CALN1: variants seen among roughly 807,000 people sequenced by gnomAD.
The protein encoded by CALN1 is calneuron 1, also known as calcium-binding protein 8.
CALN1 carries 17 observed loss-of-function variants against 30.6 expected under a neutral mutation model. The observed-to-expected ratio is 0.56, with a 90% CI of 0.38 to 0.83. The LOEUF (loss-of-function observed/expected upper bound fraction) is 0.83. Ranked by LOEUF, CALN1 falls within the 40% of genes least tolerant of loss-of-function variation. The pLI, the probability that CALN1 is intolerant of heterozygous loss-of-function variation, is 0.00. For synonymous variants in CALN1, 156 were observed against 131.4 expected (o/e 1.19, Z -1.28); for missense variants, 291 against 354.9 (o/e 0.82, Z 1.45).
At chr7:72,236,861 G>C (rs552230391) in intron 3 of CALN1, among the ~76,000 whole-genome samples, 2 of 152,320 alleles carry the variant, frequency 1.3e-5, no homozygotes, top group African/African-American at 4.8e-5. Flanking sequence ...CTTTGGCCAA[G>C]GGATAGATTT....
chr7:72,006,355 T>C (rs763782002), intron 5 of CALN1, among the ~76,000 whole-genome samples: 4 of 152,034 alleles, frequency 2.6e-5, no homozygotes, highest in African/African-American at 4.8e-5. Flanking sequence ...ATTTAGGAGA[T>C]AAAATATACA....
At chr7:72,068,044 C>A (rs1471817781) in intron 4 of CALN1, among the ~76,000 whole-genome samples, 2 of 152,198 alleles carry the variant, frequency 1.3e-5, no homozygotes, top group Admixed American at 1.3e-4. Context: ...TCAGCAATCT[C>A]ATTATCACCA....
intron 5 of CALN1, among the ~76,000 whole-genome samples, chr7:71,851,308 G>A (rs1250319688): frequency 9.9e-5 from 15 of 151,228 alleles, no homozygotes; most frequent in Admixed American, 9.9e-4. Flanking sequence ...TTGAGGTCAG[G>A]AGTTCCAGAT....
intron 1 of CALN1, among the ~76,000 whole-genome samples, chr7:72,433,040 C>T (rs753598866): frequency 1.3e-5 from 2 of 152,168 alleles, no homozygotes; most frequent in Non-Finnish European, 2.9e-5. Flanking sequence ...TATCTTTAGG[C>T]TCAAGCGCAG....
rs199754693 is a variant in CALN1 at position 71,883,924 on chromosome 7, CCTTT to C, written c.502-73436_502-73433del. Among the ~76,000 whole-genome samples the C allele has an allele frequency of 8.5e-3, 1,299 of 152,164 alleles. 15 individuals are homozygous for C. The highest frequency in any genetic ancestry group is 0.029 in the African/African-American group (1,210 of 41,516). Reference sequence around the variant, plus strand: ...GATATATCAGCCTCTTTCCTTCCTTCCTTTCTTTCTTTGACAGAGTCTCTCTGTT... The same window carrying C: ...GATATATCAGCCTCTTTCCTTCCTTCCTTTCTTTGACAGAGTCTCTCTGTT... On this transcript the variant is annotated intron_variant, in intron 5 of 6. Coordinates refer to ENST00000395275, the MANE Select transcript of CALN1 (RefSeq NM_031468.4).
intron 2 of CALN1, among the ~76,000 whole-genome samples, chr7:72,379,933 C>T (rs1804788748): frequency 6.6e-6 from 1 of 152,208 alleles, no homozygotes; most frequent in Non-Finnish European, 1.5e-5. Context: ...ACTCACTCAA[C>T]TTCACTCAAC....
At chr7:72,322,508 C>A (rs1800956884) in intron 2 of CALN1, among the ~76,000 whole-genome samples, 1 of 152,142 alleles carries the variant, frequency 6.6e-6, no homozygotes, top group African/African-American at 2.4e-5. Context: ...TTTCTCCAAG[C>A]TTCCAATTCT....
At chr7:72,073,629 C>T (rs117370434) in intron 4 of CALN1, among the ~76,000 whole-genome samples, 3 of 139,698 alleles carry the variant, frequency 2.1e-5, no homozygotes, top group Admixed American at 7.5e-5. Context: ...CTTTCTTTCT[C>T]TCTGTCTTTT....
At chr7:72,333,585 T>C (rs566988382) in intron 2 of CALN1, among the ~76,000 whole-genome samples, 6 of 151,890 alleles carry the variant, frequency 4.0e-5, no homozygotes, top group Non-Finnish European at 5.9e-5. Flanking sequence ...CTGGTTGCAC[T>C]GCTTAATGGT....
chr7:71,974,931 A>C (rs1798031465), intron 5 of CALN1, among the ~76,000 whole-genome samples: 1 of 152,122 alleles, frequency 6.6e-6, no homozygotes, highest in South Asian at 2.1e-4. Context: ...AAGGCCCCTG[A>C]GATGTTTTGC....
intron 4 of CALN1, among the ~76,000 whole-genome samples, chr7:72,027,282 G>C (rs915890443): frequency 6.6e-6 from 1 of 152,156 alleles, no homozygotes; most frequent in Non-Finnish European, 1.5e-5. Context: ...CAAGTACTGT[G>C]GTTCTTTTGC....
the CALN1 span, among the ~76,000 whole-genome samples, chr7:72,487,884 GAAAAGAAAAGAA>G: frequency 1.9e-5 from 1 of 53,432 alleles, no homozygotes; most frequent in South Asian, 6.8e-4. Context: ...AAGAAAGAAA[GAAAAGAAAAGAA>G]AGAAAGAAAG....
At chr7:72,079,080 G>C (rs1804944196) in intron 4 of CALN1, among the ~76,000 whole-genome samples, 1 of 152,166 alleles carries the variant, frequency 6.6e-6, no homozygotes, top group South Asian at 2.1e-4. Context: ...CTTACGAAAT[G>C]CCAGGCTCTA....
At chr7:72,360,592 A>G (rs1209752034) in intron 2 of CALN1, among the ~76,000 whole-genome samples, 1 of 149,280 alleles carries the variant, frequency 6.7e-6, no homozygotes, top group Non-Finnish European at 1.5e-5. Flanking sequence ...ATACTGTAAC[A>G]CTTTTTCTTT....
At chr7:71,830,005 A>C (rs1584317853) in intron 5 of CALN1, among the ~76,000 whole-genome samples, 1 of 146,442 alleles carries the variant, frequency 6.8e-6, no homozygotes, top group South Asian at 2.2e-4. Context: ...ATCTTTTTCT[A>C]TGTGTGTATG....
intron 5 of CALN1, among the ~76,000 whole-genome samples, chr7:71,968,793 C>T (rs997616506): frequency 4.6e-5 from 7 of 151,804 alleles, no homozygotes; most frequent in African/African-American, 1.7e-4. Flanking sequence ...ACCTGTAATC[C>T]CAGCACTTTG....
intron 3 of CALN1, among the ~76,000 whole-genome samples, chr7:72,120,081 A>G (rs1191240956): frequency 6.6e-6 from 1 of 152,136 alleles, no homozygotes; most frequent in Non-Finnish European, 1.5e-5. Flanking sequence ...AGTGTCTAAT[A>G]GGTAATTTTC....
chr7:71,822,838 A>G (rs980843789), intron 5 of CALN1, among the ~76,000 whole-genome samples: 19 of 152,290 alleles, frequency 1.2e-4, no homozygotes, highest in South Asian at 4.1e-4. Flanking sequence ...CTTTTTCTAG[A>G]ATAGTATTTG....
At chr7:72,010,750 T>C (rs1236327107) in intron 5 of CALN1, among the ~76,000 whole-genome samples, 1 of 150,320 alleles carries the variant, frequency 6.7e-6, no homozygotes, top group Non-Finnish European at 1.5e-5. Flanking sequence ...GAGGCGGAGA[T>C]TGCAGTGAGC....
Sources: allele counts gnomAD v4.1 joint callset (sites outside exome capture counted in the v4.1 genomes callset), GRCh38; gene constraint gnomAD v4.1.1; transcripts MANE v1.5; gene names NCBI Gene and HGNC (gene_info 2026-07-23, HGNC 2026-07-21).